The following FREM1 variants were observed in gnomAD, a reference collection of about 807,000 sequenced individuals.
FREM1 encodes FRAS1-related extracellular matrix protein 1.
FREM1 carries 220 observed loss-of-function variants against 210.1 expected under a neutral mutation model. The ratio of observed to expected loss-of-function variants is 1.05; its 90% CI spans 0.94 to 1.17. The LOEUF is 1.17. FREM1 is among the 50% of genes most tolerant of loss of function. The probability of loss-of-function intolerance (pLI) is 0.00; values close to 1 mark genes in which losing one functional copy is unlikely to be tolerated. For synonymous variants in FREM1, 1,189 were observed against 980.2 expected (o/e 1.21, Z -3.98); for missense variants, 3,454 against 2,675.5 (o/e 1.29, Z -6.42).
intron 27 of FREM1, among the ~76,000 whole-genome samples, chr9:14,764,932 GT>G (rs1275514279): frequency 6.6e-6 from 1 of 152,084 alleles, no homozygotes; most frequent in Admixed American, 6.5e-5. Flanking sequence ...CTATGCCTCA[GT>G]TTCCTTTCTT....
chr9:14,895,745 T>C (rs1023183641), intron 1 of FREM1, among the ~76,000 whole-genome samples: 7 of 152,056 alleles, frequency 4.6e-5, no homozygotes, highest in Admixed American at 1.3e-4. Context: ...TCCAGAGTTA[T>C]GAGTGGCCCT....
chr9:14,873,956 G>A (rs1469187158), intron 1 of FREM1, among the ~76,000 whole-genome samples: 1 of 152,094 alleles, frequency 6.6e-6, no homozygotes, highest in Non-Finnish European at 1.5e-5. Flanking sequence ...AGGTTGTTCA[G>A]TTTCCATGTA....
intron 1 of FREM1, among the ~76,000 whole-genome samples, chr9:14,881,648 A>C (rs1329049893): frequency 6.6e-6 from 1 of 152,216 alleles, no homozygotes; most frequent in African/African-American, 2.4e-5. Context: ...ACTCTCTTCC[A>C]ATATCTATCT....
chr9:14,893,897 G>T (rs1470380969), intron 1 of FREM1, among the ~76,000 whole-genome samples: 1 of 152,090 alleles, frequency 6.6e-6, no homozygotes, highest in East Asian at 1.9e-4. Flanking sequence ...AGCTAAAGGG[G>T]TATTAATCAG....
intron 19 of FREM1, 110 bp from the exon 20 acceptor site, chr9:14,801,984 T>A (rs1212263937): frequency 1.2e-5 from 9 of 768,296 alleles, no homozygotes; most frequent in Non-Finnish European, 1.9e-5. Context: ...AAATTTTCTA[T>A]GAGATTTATA....
intron 16 of FREM1, among the ~76,000 whole-genome samples, chr9:14,811,965 C>T (rs553815680): frequency 1.3e-5 from 2 of 152,230 alleles, no homozygotes; most frequent in African/African-American, 4.8e-5. Flanking sequence ...CAAAAGCCAG[C>T]AGATGAAATA....
rs574014064 is a variant in FREM1 at position 14,823,668 on chromosome 9, T to C, written c.2170-341A>G. Among the ~76,000 whole-genome samples, 4 of 152,316 alleles carry C rather than the reference T, an allele frequency of 2.6e-5. No homozygotes were observed. In the South Asian group the frequency reaches 6.2e-4, roughly 24 times the overall value. ...AGTTTATTTTAAACCACCCAGTTCA[T>C]GGTATATTGTTGTCAGCCCTTGGAA... On this transcript the variant is annotated intron_variant, in intron 12 of 36. Transcript: ENST00000380880.
chr9:14,790,853 C>T (rs753341125), intron 22 of FREM1: 2 of 152,154 alleles, frequency 1.3e-5, no homozygotes, highest in Non-Finnish European at 2.9e-5. Flanking sequence ...GTTCCGTTCC[C>T]AAGCCACCCA....
intron 1 of FREM1, among the ~76,000 whole-genome samples, chr9:14,879,308 TG>T (rs2132101034): frequency 6.6e-6 from 1 of 151,504 alleles, no homozygotes; most frequent in African/African-American, 2.4e-5. Flanking sequence ...CCCATAACAC[TG>T]AGGTTGAGGA....
chr9:14,906,067 T>A (rs1408754699), intron 1 of FREM1, among the ~76,000 whole-genome samples: 2 of 152,200 alleles, frequency 1.3e-5, no homozygotes, highest in African/African-American at 4.8e-5. Flanking sequence ...CTTGCCATGT[T>A]TGTTTTCTTT....
At chr9:14,879,353 C>A (rs905899096) in intron 1 of FREM1, among the ~76,000 whole-genome samples, 1 of 152,050 alleles carries the variant, frequency 6.6e-6, no homozygotes, top group Non-Finnish European at 1.5e-5. Context: ...AATGCCACAC[C>A]ATGAGACTTC....
intron 1 of FREM1, among the ~76,000 whole-genome samples, chr9:14,904,763 C>T (rs1050619114): frequency 1.3e-5 from 2 of 152,032 alleles, no homozygotes; most frequent in African/African-American, 4.8e-5. Context: ...TAACTGTGTC[C>T]GACTGTCCCC....
At chr9:14,775,707 CAA>C (rs35187926) in intron 25 of FREM1, 80 bp downstream of exon 25, 17,499 of 338,346 alleles carry the variant, frequency 0.052, 1 homozygote, top group East Asian at 0.053. Context: ...GACTCCCTCT[CAA>C]AAAAAAAAAA....
chr9:14,907,243 C>A (rs993649779), intron 1 of FREM1, among the ~76,000 whole-genome samples: 5 of 152,264 alleles, frequency 3.3e-5, no homozygotes, highest in African/African-American at 9.6e-5. Flanking sequence ...CCTATAATTT[C>A]TTATCTTGAT....
chr9:14,753,134 G>C (rs1291907721), intron 29 of FREM1, among the ~76,000 whole-genome samples: 1 of 152,152 alleles, frequency 6.6e-6, no homozygotes, highest in Non-Finnish European at 1.5e-5. Flanking sequence ...AGATATACAA[G>C]CATTTTCAGA....
At chr9:14,766,246 G>A (rs1846382965) in intron 27 of FREM1, among the ~76,000 whole-genome samples, 1 of 152,164 alleles carries the variant, frequency 6.6e-6, no homozygotes, top group Non-Finnish European at 1.5e-5. Context: ...TAGGCACTTA[G>A]CTAAATCTAA....
At chr9:14,802,376 G>A (rs10961717) in intron 19 of FREM1, among the ~76,000 whole-genome samples, 13,904 of 152,022 alleles carry the variant, frequency 0.091, 637 homozygotes, top group South Asian at 0.12. Flanking sequence ...TTTTGTTATC[G>A]CAGTAAAAAC....
chr9:14,838,763 A>G (rs1369191027), intron 10 of FREM1, among the ~76,000 whole-genome samples: 1 of 152,166 alleles, frequency 6.6e-6, no homozygotes, highest in African/African-American at 2.4e-5. Flanking sequence ...CCGGGTCCCT[A>G]CTGTCAAGGA....
chr9:14,759,837 C>G lies in FREM1; in HGVS notation c.5269G>C (p.Gly1757Arg). The G allele has an allele frequency of 6.2e-7, 1 of 1,612,594 alleles. No individual in the cohort carries two copies. The highest frequency in any genetic ancestry group is 1.7e-4 in the Middle Eastern group (1 of 6,058). ...QTEYEVCENV[G>R]LLPLEIIRRG... ...CTGATAATTTCCAAGGGCAACAAACCCACATTCTCACAGACTTCATATTCG... is the reference window on the plus strand; with the variant it reads ...CTGATAATTTCCAAGGGCAACAAACGCACATTCTCACAGACTTCATATTCG... The change falls in exon 28 of 37, where the codon GGT becomes CGT. Residue 1757 changes from glycine (G) to arginine (R), a missense_variant. Coordinates refer to ENST00000380880, the MANE Select transcript of FREM1 (RefSeq NM_001379081.2).
Sources: allele counts gnomAD v4.1 joint callset (sites outside exome capture counted in the v4.1 genomes callset), GRCh38; gene constraint gnomAD v4.1.1; transcripts MANE v1.5; gene names NCBI Gene and HGNC (gene_info 2026-07-23, HGNC 2026-07-21).